Variants in WDR90 observed in about 807,000 individuals in gnomAD.
WDR90 encodes the protein WD repeat domain 90, also known as WD repeat-containing protein 90.
A neutral mutation model predicts 195.2 loss-of-function variants in WDR90; 238 were observed. The ratio of observed to expected loss-of-function variants is 1.22; its 90% CI spans 1.10 to 1.36. The LOEUF is 1.36. WDR90 is among the 40% of genes most tolerant of loss of function. The pLI is 0.00. For synonymous variants in WDR90, 1,265 were observed against 1,052.4 expected, an observed-to-expected ratio of 1.20 and a Z score of -3.91; for missense variants, 2,734 against 2,439.5, an observed-to-expected ratio of 1.12 and a Z score of -2.54.
intron 17 of WDR90, 77 bp downstream of exon 17, chr16:655,966 G>A (rs941781387): frequency 2.0e-6 from 3 of 1,471,018 alleles, no homozygotes; most frequent in Admixed American, 3.9e-5. Flanking sequence ...CCAGTCCCCG[G>A]GGCTCTGCTG....
At position 659,080 on chromosome 16, in the gene WDR90, C is replaced by A; in HGVS notation, c.3012-6C>A. 1 of 1,613,134 alleles carries A rather than the reference C, an allele frequency of 6.2e-7. No homozygotes were observed. Among genetic ancestry groups the A allele is most frequent in the African/African-American group, 1.3e-5 (1 of 75,026 alleles). ...CCTCCTGAAACCCTCTCTCCTCCCT[C>A]TCCAGCGACCAAAGCTTCCCCGGGG... is the stretch of plus-strand genomic sequence containing the variant. On this transcript the variant is annotated splice_polypyrimidine_tract_variant and splice_region_variant and intron_variant, in intron 24 of 40. Transcript: ENST00000293879.
intron 1 of WDR90, 53 bp downstream of exon 1, chr16:649,479 G>T: frequency 7.8e-7 from 1 of 1,285,954 alleles, no homozygotes; most frequent in Non-Finnish European, 9.8e-7. Context: ...GGGTTCCGGG[G>T]TCCAGGGTCG....
At chr16:664,739 G>T (rs1159442882) in intron 34 of WDR90, among the ~76,000 whole-genome samples, 2 of 151,742 alleles carry the variant, frequency 1.3e-5, no homozygotes, top group African/African-American at 4.9e-5. Context: ...GAGTGCAGTG[G>T]CATGATCTTG....
chr16:651,616 G>C, intron 7 of WDR90, 28 bp from the exon 8 acceptor site: 1 of 1,607,482 alleles, frequency 6.2e-7, no homozygotes, highest in Middle Eastern at 1.7e-4. Context: ...TGGCCCCTGG[G>C]TCACTGGGGT....
chr16:649,253 G>A, upstream of WDR90: 1 of 766,584 alleles, frequency 1.3e-6, no homozygotes, highest in Non-Finnish European at 1.8e-6. Context: ...GCTGACGTGA[G>A]CGGGGTACTC....
intron 10 of WDR90, among the ~76,000 whole-genome samples, chr16:652,767 C>T (rs563719051): frequency 2.0e-5 from 3 of 152,346 alleles, no homozygotes; most frequent in South Asian, 2.1e-4. Flanking sequence ...CTCAGGGTCA[C>T]GGGCATCTCT....
rs144704309 is a variant in WDR90, at chr16:655,344, C to A, written c.1594C>A (p.Arg532=). 2.0e-3 allele frequency: 3,149 copies of A among 1,603,142 alleles called. 3 individuals are homozygous for A. The highest frequency in any genetic ancestry group is 2.5e-3 in the Non-Finnish European group (2,899 of 1,179,374). ...CGGGCAGGGCAGTGTGCGGCTCTGG[C>A]GGCTGCGTGGCGGGGTGCTGCGTTC... ...SCGQGSVRLW[R]LRGGVLRSCP... Residue 532 remains arginine (R), a synonymous_variant, in exon 15 of 41, where the codon CGG becomes AGG. Transcript: ENST00000293879.
In WDR90 at chr16:651,702, G is replaced by A. The variant is rs1041795960; in HGVS notation, c.795G>A (p.Val265=). The A allele has an allele frequency of 9.9e-6, 16 of 1,612,966 alleles. No homozygotes were observed. The East Asian group carries it at 3.6e-4, about 36-fold the overall frequency. The stretch of plus-strand genomic sequence containing the variant: ...GCCCGGTGGCCTCCAGCAAACCTGT[G>A]CGGTTCAGTGTGTCTCCAGTGGTCC... ...LPCPVASSKP[V]RFSVSPVVQT... Residue 265 remains valine, a synonymous_variant, in exon 8 of 41, where the codon GTG becomes GTA. Transcript: ENST00000293879.
At chr16:653,317 C>T in intron 10 of WDR90, 24 bp from the exon 11 acceptor site, 2 of 1,489,114 alleles carry the variant, frequency 1.3e-6, no homozygotes, top group African/African-American at 1.4e-5. Flanking sequence ...CACCGGTCCT[C>T]AGCCCCCCGC....
rs1468820901 is a variant in WDR90, at chr16:659,107, C to G, written c.3033C>G (p.Ala1011=). The change falls in exon 25 of 41, where the codon GCC becomes GCG. Residue 1011 remains alanine (A), a synonymous_variant. Coordinates refer to ENST00000293879, the MANE Select transcript of WDR90 (RefSeq NM_145294.5). The part of the protein sequence containing the change: ...PTESDQSFPG[A]PPACKTGPGA... Reference sequence around the variant, plus strand: ...CCAGCGACCAAAGCTTCCCCGGGGCCCCCCCAGCCTGCAAGACAGGTGAGT... The same window carrying G: ...CCAGCGACCAAAGCTTCCCCGGGGCGCCCCCAGCCTGCAAGACAGGTGAGT... 44 of 1,612,304 alleles carry G rather than the reference C, an allele frequency of 2.7e-5. No individual in the cohort carries two copies. Among genetic ancestry groups the G allele is most frequent in the Non-Finnish European group, 3.3e-5 (39 of 1,180,006 alleles).
chr16:667,771 C>A lies in WDR90; in HGVS notation c.*182C>A. ...CTGTGAATACTTTCATACCTGTTGC[C>A]CTTTTGCCTAAGAAATCTTTAATGT... On this transcript the variant is annotated 3_prime_UTR_variant, in exon 41 of 41. Coordinates refer to ENST00000293879, the MANE Select transcript of WDR90 (RefSeq NM_145294.5). 1.2e-6 allele frequency: 1 copy of A among 806,270 alleles called. No homozygotes were observed. 49.9% of individuals were successfully genotyped at this position (806,270 alleles called of 1,614,324 possible). A position where few individuals can be genotyped will look rare whatever the true frequency, so the allele number is the denominator to read the frequency against.
chr16:652,310 G>C, intron 9 of WDR90, 157 bp from the exon 10 acceptor site: 2 of 937,616 alleles, frequency 2.1e-6, no homozygotes, highest in Non-Finnish European at 3.1e-6. Context: ...TGGAGTCCCA[G>C]CTTCCACCTT....
rs760306631 is a variant in WDR90 at position 655,606 on chromosome 16, G to A, written c.1752G>A (p.Glu584=). 1 of 1,606,884 alleles carries A rather than the reference G, an allele frequency of 6.2e-7. No homozygotes were observed. The highest frequency in any genetic ancestry group is 1.3e-5 in the African/African-American group (1 of 74,864). The change falls in exon 16 of 41, where the codon GAG becomes GAA. Residue 584 remains glutamate (E), a synonymous_variant. Transcript: ENST00000293879. ...FVCSRSGHIL[E]IDCQRMVVRH... ...GCAGCCGCAGTGGCCACATCTTGGA[G>A]ATTGACTGTCAGCGCATGGTCGTGC...
chr16:651,213 G>T lies in WDR90; in HGVS notation c.683G>T (p.Ser228Ile). The change falls in exon 7 of 41, where the codon AGC becomes ATC. Residue 228 changes from serine to isoleucine, a missense_variant. Transcript: ENST00000293879. ...TGCCTGCCAAGGTTTCCAAGTGAGA[G>T]CTTGAAAGTGCCTTCCAAGCCGATT... ...RYIHVRFPSESLKVPSKPIEK... is the reference protein window; with the variant it reads ...RYIHVRFPSEILKVPSKPIEK... 6.2e-7 allele frequency: 1 copy of T among 1,613,186 alleles called. No individual in the cohort carries two copies. Among genetic ancestry groups the T allele is most frequent in the Non-Finnish European group, 8.5e-7 (1 of 1,180,002 alleles).
At chr16:658,440 G>C in intron 22 of WDR90, 85 bp from the exon 23 acceptor site, 4 of 1,575,580 alleles carry the variant, frequency 2.5e-6, no homozygotes, top group Non-Finnish European at 3.5e-6. Context: ...GTGGGGGGCC[G>C]TCGCCACACC....
intron 28 of WDR90, 119 bp downstream of exon 28, chr16:660,833 C>T: frequency 1.7e-6 from 2 of 1,202,376 alleles, no homozygotes; most frequent in South Asian, 3.1e-5. Flanking sequence ...GTGTGGGGCT[C>T]TGTTCTCCCG....
Position 651,982 on chromosome 16 carries a change from C to T in WDR90, c.996C>T (p.Thr332=), listed in dbSNP as rs759559997. 5 of 1,606,886 alleles carry T rather than the reference C, an allele frequency of 3.1e-6. No individual in the cohort carries two copies. The South Asian group carries it at 3.3e-5, about 11-fold the overall frequency. ...ASDIHTAAAG[T]HVLTHESAEV... is the part of the protein sequence containing the mutation. Reference sequence around the variant, plus strand: ...ACATCCACACGGCTGCTGCCGGCACCCACGTGTTGACTCACGAGTCGGCTG... The same window carrying T: ...ACATCCACACGGCTGCTGCCGGCACTCACGTGTTGACTCACGAGTCGGCTG... The change falls in exon 9 of 41, where the codon ACC becomes ACT. Residue 332 remains threonine (T), a synonymous_variant. Coordinates refer to ENST00000293879, the MANE Select transcript of WDR90 (RefSeq NM_145294.5).
In WDR90 at chr16:662,012, G is replaced by C; in HGVS notation, c.3986G>C (p.Arg1329Pro). Residue 1329 changes from arginine (R) to proline (P), a missense_variant, in exon 32 of 41, where the codon CGT becomes CCT. By Grantham distance (103) the Arg-to-Pro change is moderately radical (BLOSUM62 -2). Transcript: ENST00000293879. ...GGCCAGGTCTGTGTCTGGGACACGC[G>C]TGCCGGCCGCTGCTTCTTGTCCTGG... The part of the protein sequence containing the change: ...SSGQVCVWDT[R>P]AGRCFLSWEA... 2.5e-6 allele frequency: 4 copies of C among 1,603,716 alleles called. No individual in the cohort carries two copies. Among genetic ancestry groups the C allele is most frequent in the Non-Finnish European group, 3.4e-6 (4 of 1,179,864 alleles).
intron 34 of WDR90, chr16:663,236 G>C (rs758361417): frequency 2.8e-6 from 1 of 355,170 alleles, no homozygotes; most frequent in Non-Finnish European, 5.5e-6. Flanking sequence ...TCAGGAGTTC[G>C]AGACCAGCCT....
Sources: allele counts gnomAD v4.1 joint callset (sites outside exome capture counted in the v4.1 genomes callset), GRCh38; gene constraint gnomAD v4.1.1; transcripts MANE v1.5; gene names NCBI Gene and HGNC (gene_info 2026-07-23, HGNC 2026-07-21).